The following GSAP variants were observed in gnomAD, a reference collection of about 807,000 sequenced individuals.
The protein encoded by GSAP is gamma-secretase activating protein.
A neutral mutation model predicts 131.7 loss-of-function variants in GSAP; 118 were observed. That is an observed-to-expected ratio of 0.90 (90% CI 0.77 to 1.04). GSAP has a LOEUF of 1.04. GSAP is among the 50% of genes least tolerant of loss of function. GSAP has a pLI of 0.00. For synonymous variants in GSAP, 381 were observed against 363.4 expected (o/e 1.05, Z -0.55); for missense variants, 1,019 against 1,013.2 (o/e 1.01, Z -0.08).
upstream of GSAP, chr7:77,416,594 G>A (rs933651678): frequency 6.3e-6 from 2 of 319,814 alleles, no homozygotes; most frequent in Non-Finnish European, 1.1e-5. Context: ...CCGCCGGGGC[G>A]GGAGGCCTCC....
chr7:77,326,053 G>A (rs1274038440), intron 23 of GSAP, among the ~76,000 whole-genome samples, 159 bp downstream of exon 23: 1 of 152,088 alleles, frequency 6.6e-6, no homozygotes, highest in Non-Finnish European at 1.5e-5. Flanking sequence ...AAATCATATG[G>A]GTTGCTTACC....
chr7:77,394,488 T>C (rs1186541117), intron 5 of GSAP, among the ~76,000 whole-genome samples: 1 of 152,148 alleles, frequency 6.6e-6, no homozygotes, highest in African/African-American at 2.4e-5. Flanking sequence ...GATAAATTAA[T>C]TGGACTCAAA....
intron 1 of GSAP, among the ~76,000 whole-genome samples, chr7:77,409,882 C>T (rs1802973350): frequency 6.6e-6 from 1 of 151,964 alleles, no homozygotes; most frequent in African/African-American, 2.4e-5. Context: ...CATTTTTATC[C>T]CATTAAACTA....
At chr7:77,372,081 T>G (rs1796208256) in intron 12 of GSAP, among the ~76,000 whole-genome samples, 1 of 152,240 alleles carries the variant, frequency 6.6e-6, no homozygotes, top group Non-Finnish European at 1.5e-5. Flanking sequence ...CTAAAAATGC[T>G]TAACTTATGT....
intron 19 of GSAP, 138 bp from the exon 20 acceptor site, chr7:77,330,505 A>G (rs1239409930): frequency 7.6e-7 from 1 of 1,320,174 alleles, no homozygotes; most frequent in African/African-American, 1.5e-5. Flanking sequence ...AGAAGATGGC[A>G]TTCTAGACCC....
intron 26 of GSAP, among the ~76,000 whole-genome samples, chr7:77,317,667 G>A (rs1480741660): frequency 2.0e-5 from 3 of 152,198 alleles, no homozygotes; most frequent in African/African-American, 7.2e-5. Flanking sequence ...TGGGTAGAAA[G>A]TGGATTTTTA....
At chr7:77,404,520 A>G (rs939297883) in intron 3 of GSAP, 39 bp downstream of exon 3, 4 of 1,012,350 alleles carry the variant, frequency 4.0e-6, no homozygotes, top group Non-Finnish European at 6.2e-6. Context: ...AAAACTCTAA[A>G]GGCAGTAAAG....
chr7:77,407,656 A>T (rs1246827436), intron 1 of GSAP, among the ~76,000 whole-genome samples: 5 of 152,240 alleles, frequency 3.3e-5, no homozygotes, highest in South Asian at 2.1e-4. Flanking sequence ...ATGCAAAAAA[A>T]ATCTGAAGCA....
chr7:77,416,332 C>G lies in GSAP; in HGVS notation c.-11G>C. ...CAGGCGAAGAGCCATCGCCCGGACA[C>G]GACCACCGGGCGGCTCTGGGGCCCC... On this transcript the variant is annotated 5_prime_UTR_variant, in exon 1 of 31. Coordinates refer to ENST00000257626, the MANE Select transcript of GSAP (RefSeq NM_017439.4). 1 of 1,464,490 alleles carries G rather than the reference C, an allele frequency of 6.8e-7. No individual in the cohort carries two copies. Among genetic ancestry groups the G allele is most frequent in the Non-Finnish European group, 9.1e-7 (1 of 1,100,930 alleles). 90.7% of individuals were successfully genotyped at this position (1,464,490 alleles called of 1,614,324 possible).
chr7:77,355,412 T>A lies in GSAP; in HGVS notation c.1139A>T (p.Asp380Val). 1 of 1,578,384 alleles carries A rather than the reference T, an allele frequency of 6.3e-7. No homozygotes were observed. Among genetic ancestry groups the A allele is most frequent in the Non-Finnish European group, 8.6e-7 (1 of 1,159,478 alleles). ...LFLTGNNEMI[D>V]MLPHCPLQSL... ...CTGTAAAGGGCAATGAGGTAGCATA[T>A]CAATCATTTCATTATTTCCTGGCAA... The change falls in exon 16 of 31, where the codon GAT becomes GTT. Residue 380 changes from aspartate (D) to valine (V), a missense_variant. By Grantham distance (152) the Asp-to-Val change is radical. Transcript: ENST00000257626.
At chr7:77,334,673 T>C (rs1462423025) in intron 19 of GSAP, among the ~76,000 whole-genome samples, 1 of 147,184 alleles carries the variant, frequency 6.8e-6, no homozygotes. Flanking sequence ...GCAAATACTG[T>C]ACTCATCAGG....
At chr7:77,348,226 AAAC>A (rs1208704798) in intron 19 of GSAP, among the ~76,000 whole-genome samples, 1 of 152,176 alleles carries the variant, frequency 6.6e-6, no homozygotes. Context: ...GAAAAGGCAG[AAAC>A]AATAAACAAT....
chr7:77,388,711 G>C (rs772424784), intron 5 of GSAP, among the ~76,000 whole-genome samples: 55 of 152,190 alleles, frequency 3.6e-4, no homozygotes, highest in Non-Finnish European at 6.9e-4. Context: ...AATTTAATCA[G>C]TGTTAGTTTT....
In GSAP at chr7:77,381,307, C is replaced by T. The variant is rs920306328; in HGVS notation, c.574G>A (p.Val192Met). 23 of 1,548,504 alleles carry T rather than the reference C, an allele frequency of 1.5e-5. No homozygotes were observed. Among genetic ancestry groups the T allele is most frequent in the Non-Finnish European group, 2.0e-5 (23 of 1,138,172 alleles). Reference sequence around the variant, plus strand: ...CGAAAAGAATTTCAAATCTTTACCACTCTATTTCCATCTTCTTGGGCGACA... The same window carrying T: ...CGAAAAGAATTTCAAATCTTTACCATTCTATTTCCATCTTCTTGGGCGACA... ...IHVAQEDGNR[V>M]VIKNSGHLPR... Residue 192 changes from valine (V) to methionine (M), a missense_variant and splice_region_variant, in exon 8 of 31, where the codon GTG becomes ATG. By Grantham distance (21) the Val-to-Met change is conservative (BLOSUM62 1). Transcript: ENST00000257626.
At chr7:77,360,940 A>G (rs771731068) in intron 13 of GSAP, 39 bp from the exon 14 acceptor site, 1 of 1,191,748 alleles carries the variant, frequency 8.4e-7, no homozygotes, top group Non-Finnish European at 1.3e-6. Flanking sequence ...ATGTTAAACA[A>G]AGAACTGGAA....
intron 4 of GSAP, 147 bp from the exon 5 acceptor site, chr7:77,397,182 G>A (rs1203839259): frequency 2.9e-6 from 2 of 687,932 alleles, no homozygotes; most frequent in African/African-American, 1.8e-5. Flanking sequence ...TTTTTTGTAG[G>A]TATATCCTCT....
At chr7:77,324,943 G>C (rs1322134901) in intron 23 of GSAP, among the ~76,000 whole-genome samples, 1 of 148,574 alleles carries the variant, frequency 6.7e-6, no homozygotes, top group East Asian at 2.0e-4. Flanking sequence ...CAGCCTCCCA[G>C]TAGCCGAGAT....
At chr7:77,415,212 A>C (rs536577015) in intron 1 of GSAP, among the ~76,000 whole-genome samples, 1 of 152,322 alleles carries the variant, frequency 6.6e-6, no homozygotes, top group East Asian at 1.9e-4. Context: ...GAGAGTGTGA[A>C]GATACAAGAT....
chr7:77,348,552 G>A (rs1398713632), intron 19 of GSAP, among the ~76,000 whole-genome samples: 8 of 152,170 alleles, frequency 5.3e-5, no homozygotes, highest in Non-Finnish European at 1.0e-4. Context: ...AATAAAAGGC[G>A]TCAGCACCCT....
Sources: gnomAD v4.1 joint callset for allele counts (sites outside exome capture counted in the v4.1 genomes callset) on GRCh38, gnomAD v4.1.1 for gene constraint, MANE v1.5 for transcripts, NCBI Gene and HGNC (gene_info 2026-07-23, HGNC 2026-07-21) for gene names.